The following ROBO2 variants were observed in gnomAD, a reference collection of about 807,000 sequenced individuals.
ROBO2 encodes the protein roundabout homolog 2.
In ROBO2, 53 loss-of-function variants were observed where a neutral mutation model predicts 160.8. The ratio of observed to expected loss-of-function variants is 0.33; its 90% CI spans 0.26 to 0.41. The LOEUF (loss-of-function observed/expected upper bound fraction) is 0.41. Ranked by LOEUF, ROBO2 falls within the 10% of genes least tolerant of loss-of-function variation. The probability of loss-of-function intolerance (pLI) is 1.00; values close to 1 mark genes in which losing one functional copy is unlikely to be tolerated. For synonymous variants in ROBO2, 664 were observed against 611.7 expected (o/e 1.09, Z -1.26); for missense variants, 1,577 against 1,722.4 (o/e 0.92, Z 1.49).
At chr3:76,114,562 T>A (rs1412462246) in intron 2 of ROBO2, among the ~76,000 whole-genome samples, 1 of 152,104 alleles carries the variant, frequency 6.6e-6, no homozygotes, top group East Asian at 1.9e-4. Context: ...CCTGATATAA[T>A]TATTATCATT....
chr3:77,029,716 T>C (rs903304814), intron 2 of ROBO2, among the ~76,000 whole-genome samples: 5 of 152,176 alleles, frequency 3.3e-5, no homozygotes, highest in African/African-American at 1.2e-4. Context: ...ATCCTTATTA[T>C]ACAAAGAATT....
chr3:76,994,945 CTT>C (rs558816382), intron 2 of ROBO2, among the ~76,000 whole-genome samples: 1 of 149,780 alleles, frequency 6.7e-6, no homozygotes, highest in Non-Finnish European at 1.5e-5. Flanking sequence ...CATAGATTTA[CTT>C]TTTTTTTTCT....
chr3:76,338,887 A>C (rs1252735429), intron 2 of ROBO2, among the ~76,000 whole-genome samples: 1 of 152,060 alleles, frequency 6.6e-6, no homozygotes, highest in Non-Finnish European at 1.5e-5. Context: ...GAAAGATTCC[A>C]AGACAAACTG....
chr3:77,282,193 T>C (rs975798214), intron 2 of ROBO2, among the ~76,000 whole-genome samples: 1 of 152,098 alleles, frequency 6.6e-6, no homozygotes, highest in Non-Finnish European at 1.5e-5. Context: ...ATATGGAGGG[T>C]TAATTTAATT....
At chr3:77,211,842 C>T (rs1262449265) in intron 2 of ROBO2, among the ~76,000 whole-genome samples, 21 of 152,138 alleles carry the variant, frequency 1.4e-4, no homozygotes, top group Admixed American at 3.3e-4. Context: ...ATCCTTTCCC[C>T]ATTGCTTGTT....
chr3:76,648,022 C>T (rs1458342876), intron 2 of ROBO2, among the ~76,000 whole-genome samples: 1 of 151,996 alleles, frequency 6.6e-6, no homozygotes, highest in Admixed American at 6.6e-5. Flanking sequence ...AAAACCCTAT[C>T]TAATTATTTT....
intron 2 of ROBO2, among the ~76,000 whole-genome samples, chr3:77,387,432 A>G (rs2153494918): frequency 6.6e-6 from 1 of 152,034 alleles, no homozygotes; most frequent in Middle Eastern, 3.4e-3. Flanking sequence ...ATCAAGCACC[A>G]TGTTGGGTCC....
At position 77,388,846 on chromosome 3, in the gene ROBO2, A is replaced by AT. The variant is rs2074405649; in HGVS notation, c.389-88563dup. Among the ~76,000 whole-genome samples the AT allele has an allele frequency of 7.2e-5, 11 of 152,372 alleles. 1 individual carries two copies. In the South Asian group the frequency reaches 2.3e-3, roughly 32 times the overall value. The stretch of plus-strand genomic sequence containing the variant: ...TGAAAGAGCCATGTCTCTAAAGACA[A>AT]TTTTTAAATAGAGACAAGATGTAGC... On this transcript the variant is annotated intron_variant, in intron 2 of 25. Transcript: ENST00000461745.
intron 2 of ROBO2, among the ~76,000 whole-genome samples, chr3:76,264,213 G>A (rs1706952248): frequency 6.6e-6 from 1 of 151,838 alleles, no homozygotes; most frequent in African/African-American, 2.4e-5. Context: ...TTCTGCACTT[G>A]TATCTCAGAA....
chr3:77,187,843 T>C (rs1273113249), intron 2 of ROBO2, among the ~76,000 whole-genome samples: 1 of 151,888 alleles, frequency 6.6e-6, no homozygotes, highest in African/African-American at 2.4e-5. Flanking sequence ...TCATAGACCA[T>C]TGAAATAAGT....
intron 2 of ROBO2, among the ~76,000 whole-genome samples, chr3:76,442,428 C>T (rs1030515055): frequency 6.6e-6 from 1 of 151,990 alleles, no homozygotes; most frequent in Admixed American, 6.6e-5. Flanking sequence ...ATAAAACTAC[C>T]GTGCGTTATT....
At position 76,103,567 on chromosome 3, in the gene ROBO2, A is replaced by G. The variant is rs1161250676; in HGVS notation, c.109+165965A>G. 2.0e-5 allele frequency among the ~76,000 whole-genome samples: 3 copies of G among 152,312 alleles called. No homozygotes were observed. The South Asian group carries it at 6.2e-4, about 32-fold the overall frequency. Reference sequence around the variant, plus strand: ...GAAAGGGGAGAGGACCGTTATCATTATGTTTTTATACTGATTACGTTTACA... The same window carrying G: ...GAAAGGGGAGAGGACCGTTATCATTGTGTTTTTATACTGATTACGTTTACA... On this transcript the variant is annotated intron_variant, in intron 2 of 26. Transcript: ENST00000487694.
chr3:77,363,518 C>T (rs1418827455), intron 2 of ROBO2, among the ~76,000 whole-genome samples: 2 of 152,128 alleles, frequency 1.3e-5, no homozygotes, highest in African/African-American at 2.4e-5. Context: ...GACCCAAGAG[C>T]CTTCAAAAAT....
intron 2 of ROBO2, among the ~76,000 whole-genome samples, chr3:76,958,185 T>C (rs2079413458): frequency 6.6e-6 from 1 of 152,220 alleles, no homozygotes; most frequent in Admixed American, 6.5e-5. Context: ...CAAGCTAAGG[T>C]CTTCAGAGCC....
intron 2 of ROBO2, among the ~76,000 whole-genome samples, chr3:77,341,026 A>T (rs530986205): frequency 6.6e-6 from 1 of 152,286 alleles, no homozygotes; most frequent in African/African-American, 2.4e-5. Flanking sequence ...AAAGAAAAAT[A>T]ATATTTCATA....
chr3:77,500,169 A>G (rs938856460), intron 5 of ROBO2, among the ~76,000 whole-genome samples: 3 of 152,198 alleles, frequency 2.0e-5, no homozygotes, highest in African/African-American at 7.2e-5. Flanking sequence ...AAAGATGTGT[A>G]ATGTTAAAAG....
At chr3:76,458,166 T>G (rs1421370004) in intron 2 of ROBO2, among the ~76,000 whole-genome samples, 1 of 152,182 alleles carries the variant, frequency 6.6e-6, no homozygotes, top group Admixed American at 6.5e-5. Flanking sequence ...CTACACATTT[T>G]CCAAACTTTT....
intron 2 of ROBO2, among the ~76,000 whole-genome samples, chr3:77,017,811 C>G (rs537826308): frequency 3.3e-5 from 5 of 152,082 alleles, no homozygotes; most frequent in African/African-American, 1.2e-4. Context: ...CATAAGGTTG[C>G]ATCATCTAAT....
intron 20 of ROBO2, among the ~76,000 whole-genome samples, 182 bp downstream of exon 21, chr3:77,602,673 A>ACCG (rs2094454532): frequency 1.6e-5 from 2 of 122,832 alleles, no homozygotes; most frequent in Non-Finnish European, 3.5e-5. Context: ...CACCACCACC[A>ACCG]CCACCACCAC....
Sources: gnomAD v4.1 joint callset for allele counts (sites outside exome capture counted in the v4.1 genomes callset) on GRCh38, gnomAD v4.1.1 for gene constraint, MANE v1.5 for transcripts, NCBI Gene and HGNC (gene_info 2026-07-23, HGNC 2026-07-21) for gene names.